Variants in ANKRD26 observed in about 807,000 individuals in gnomAD.
ANKRD26 encodes the protein ankyrin repeat domain-containing protein 26.
In ANKRD26, 141 loss-of-function variants were observed where a neutral mutation model predicts 208.7. The observed-to-expected ratio is 0.68, with a 90% CI of 0.59 to 0.78. The LOEUF (loss-of-function observed/expected upper bound fraction) is 0.78, where lower values mean the gene tolerates loss of function less well. ANKRD26 is among the 30% of genes least tolerant of loss of function. The pLI, the probability that ANKRD26 is intolerant of heterozygous loss-of-function variation, is 0.00. For synonymous variants in ANKRD26, 636 were observed against 660.4 expected, an observed-to-expected ratio of 0.96 and a Z score of 0.57; for missense variants, 1,889 against 1,938.7, an observed-to-expected ratio of 0.97 and a Z score of 0.48.
chr10:27,051,444 G>A, intron 16 of ANKRD26: 9 of 1,081,930 alleles, frequency 8.3e-6, no homozygotes, highest in Non-Finnish European at 1.0e-5. Flanking sequence ...TTTCCAGTTA[G>A]TGGTATTTCG....
At chr10:27,090,925 A>C (rs561948249) in intron 4 of ANKRD26, among the ~76,000 whole-genome samples, 1 of 152,234 alleles carries the variant, frequency 6.6e-6, no homozygotes, top group African/African-American at 2.4e-5. Context: ...GGGAAATCCC[A>C]TCTCTACAAA....
At chr10:27,066,326 T>C in intron 11 of ANKRD26, 161 bp downstream of exon 11, 1 of 499,108 alleles carries the variant, frequency 2.0e-6, no homozygotes, top group Non-Finnish European at 3.5e-6. Context: ...AGCAGTAATA[T>C]ACTTAGCACA....
chr10:27,022,543 C>T lies in ANKRD26; in HGVS notation c.4215+15G>A. On this transcript the variant is annotated intron_variant, in intron 29 of 33. Transcript: ENST00000376087. Reference sequence around the variant, plus strand: ...TTAAGTGACTTTTTTGGTCCCAAAACTTATTAAAAATTACCTTATGTTTTA... The same window carrying T: ...TTAAGTGACTTTTTTGGTCCCAAAATTTATTAAAAATTACCTTATGTTTTA... 6.7e-7 allele frequency: 1 copy of T among 1,491,772 alleles called. No homozygotes were observed. Among genetic ancestry groups the T allele is most frequent in the African/African-American group, 1.4e-5 (1 of 72,426 alleles). 92.4% of individuals were successfully genotyped at this position (1,491,772 alleles called of 1,614,324 possible).
intron 6 of ANKRD26, among the ~76,000 whole-genome samples, chr10:27,081,311 G>T (rs1354244383): frequency 6.6e-6 from 1 of 151,988 alleles, no homozygotes; most frequent in African/African-American, 2.4e-5. Context: ...CAAAAGCCCG[G>T]TTCCTATCCA....
At chr10:27,067,404 T>C (rs2055298777) in intron 9 of ANKRD26, 118 bp from the exon 10 acceptor site, 2 of 1,192,210 alleles carry the variant, frequency 1.7e-6, no homozygotes, top group African/African-American at 3.1e-5. Context: ...TACCTGGTCA[T>C]CCAAGATGGG....
At chr10:27,082,652 G>C (rs956794220) in intron 6 of ANKRD26, 151 bp downstream of exon 6, 6 of 1,143,936 alleles carry the variant, frequency 5.2e-6, no homozygotes, top group Non-Finnish European at 7.1e-6. Context: ...CCACACAGTT[G>C]GGTTGTAATA....
chr10:26,951,359 TA>T, the ANKRD26 span, among the ~76,000 whole-genome samples: 2 of 152,202 alleles, frequency 1.3e-5, no homozygotes, highest in Non-Finnish European at 1.5e-5. Flanking sequence ...AAATCATGGT[TA>T]TTGAAATTAG....
At chr10:27,044,360 C>G (rs1215141493) in intron 18 of ANKRD26, among the ~76,000 whole-genome samples, 170 bp from the exon 19 acceptor site, 1 of 151,830 alleles carries the variant, frequency 6.6e-6, no homozygotes, top group African/African-American at 2.4e-5. Flanking sequence ...TAACTTTCTA[C>G]AAGGGGTATT....
chr10:27,001,694 G>T (rs961506348), downstream of ANKRD26, among the ~76,000 whole-genome samples: 10 of 152,154 alleles, frequency 6.6e-5, no homozygotes, highest in Non-Finnish European at 1.5e-4. Context: ...ACTGTACAAA[G>T]AATAGGGAAG....
chr10:26,982,845 A>T (rs2052328935), intron 3 of ANKRD26, among the ~76,000 whole-genome samples: 1 of 152,162 alleles, frequency 6.6e-6, no homozygotes, highest in African/African-American at 2.4e-5. Context: ...AACACAAATT[A>T]TTATTATGAT....
intron 1 of ANKRD26, among the ~76,000 whole-genome samples, chr10:27,097,168 C>T (rs974661420): frequency 3.4e-5 from 5 of 146,280 alleles, no homozygotes; most frequent in African/African-American, 1.0e-4. Flanking sequence ...GGCGAAGAAG[C>T]GAGACTTCAC....
chr10:27,043,170 T>A (rs2054320030), intron 20 of ANKRD26, among the ~76,000 whole-genome samples: 2 of 141,694 alleles, frequency 1.4e-5, no homozygotes, highest in South Asian at 2.2e-4. Context: ...AAATAAAAAA[T>A]TAAAATGAAA....
chr10:27,036,926 G>A (rs941311822), intron 23 of ANKRD26, among the ~76,000 whole-genome samples: 1 of 152,060 alleles, frequency 6.6e-6, no homozygotes, highest in African/African-American at 2.4e-5. Flanking sequence ...AATTCTTACG[G>A]AAGATATTAT....
At chr10:27,068,904 C>G (rs1251262784) in intron 9 of ANKRD26, among the ~76,000 whole-genome samples, 1 of 148,924 alleles carries the variant, frequency 6.7e-6, no homozygotes, top group East Asian at 2.0e-4. Flanking sequence ...ATATGAGAAA[C>G]GAGGTCGGGC....
rs561798938 is a variant in ANKRD26, at chr10:27,097,177, A to G, written c.242+2908T>C. Among the ~76,000 whole-genome samples, 42 of 150,680 alleles carry G rather than the reference A, an allele frequency of 2.8e-4. No homozygotes were observed. In the South Asian group the frequency reaches 8.8e-3, roughly 32 times the overall value. ...AGCCTGGGCGAAGAAGCGAGACTTC[A>G]CCTCAAAAACAAAAAAGGCCAGGCG... is the stretch of plus-strand genomic sequence containing the variant. On this transcript the variant is annotated intron_variant, in intron 1 of 33. Transcript: ENST00000376087.
At chr10:27,042,630 G>T (rs1193763614) in intron 20 of ANKRD26, among the ~76,000 whole-genome samples, 1 of 152,050 alleles carries the variant, frequency 6.6e-6, no homozygotes, top group Non-Finnish European at 1.5e-5. Context: ...GCGGGCACCT[G>T]TAGTTCCAGC....
exon 6 of ANKRD26, among the ~76,000 whole-genome samples, chr10:26,974,769 C>T (rs766913306): frequency 4.9e-4 from 74 of 152,288 alleles, no homozygotes; most frequent in Admixed American, 1.6e-3. Flanking sequence ...ATAGAAGGTA[C>T]GCTCTCTGGA....
intron 4 of ANKRD26, among the ~76,000 whole-genome samples, chr10:26,997,848 C>A (rs2052629454): frequency 6.6e-6 from 1 of 152,146 alleles, no homozygotes; most frequent in Non-Finnish European, 1.5e-5. Context: ...CCACTTGTTT[C>A]TTTGTTTGAT....
chr10:27,015,099 G>C lies in ANKRD26; in HGVS notation c.4507-388C>G, dbSNP rs749044394. Among the ~76,000 whole-genome samples, 10 of 152,100 alleles carry C rather than the reference G, an allele frequency of 6.6e-5. 1 individual carries two copies. The highest frequency in any genetic ancestry group is 1.2e-4 in the Non-Finnish European group (8 of 68,022). ...TGACTACAAATGTGGAGATATTTTC[G>C]AATGAAAAATCTTATAAAAATTATT... On this transcript the variant is annotated intron_variant, in intron 30 of 33. Transcript: ENST00000376087.
Sources: gnomAD v4.1 joint callset for allele counts (sites outside exome capture counted in the v4.1 genomes callset) on GRCh38, gnomAD v4.1.1 for gene constraint, MANE v1.5 for transcripts, NCBI Gene and HGNC (gene_info 2026-07-23, HGNC 2026-07-21) for gene names.